Variants in KCNS3 observed in about 807,000 individuals in gnomAD.
The protein encoded by KCNS3 is delayed-rectifier potassium channel regulatory subunit KCNS3.
Under a neutral mutation model 31.0 loss-of-function variants are expected in KCNS3, and 13 were observed. The ratio of observed to expected loss-of-function variants is 0.42; its 90% confidence interval spans 0.27 to 0.67. The LOEUF is 0.67. KCNS3 is among the 30% of genes least tolerant of loss of function. The probability of loss-of-function intolerance (pLI) is 0.25; values close to 1 mark genes in which losing one functional copy is unlikely to be tolerated. For missense variants in KCNS3, 545 were observed against 622.4 expected (o/e 0.88, Z 1.32); for synonymous variants, 238 against 241.5 (o/e 0.99, Z 0.13).
At chr2:17,889,960 C>A (rs1354994805) in intron 1 of KCNS3, among the ~76,000 whole-genome samples, 2 of 152,112 alleles carry the variant, frequency 1.3e-5, no homozygotes. Context: ...AGGGAGGATT[C>A]CTTCTTTCTC....
chr2:17,899,350 T>A (rs1321906248), intron 1 of KCNS3, among the ~76,000 whole-genome samples: 1 of 152,174 alleles, frequency 6.6e-6, no homozygotes, highest in Admixed American at 6.6e-5. Flanking sequence ...TTATTTCTTA[T>A]AATCAAATTT....
At chr2:17,929,499 AC>A (rs1030292562) in intron 2 of KCNS3, among the ~76,000 whole-genome samples, 1 of 152,044 alleles carries the variant, frequency 6.6e-6, no homozygotes, top group African/African-American at 2.4e-5. Context: ...ATTAGAAACC[AC>A]CCCCATGATC....
intron 1 of KCNS3, among the ~76,000 whole-genome samples, chr2:17,900,700 G>C (rs1353415587): frequency 6.6e-6 from 1 of 152,020 alleles, no homozygotes; most frequent in African/African-American, 2.4e-5. Context: ...ATGTTGGCCA[G>C]GCTGGTTTCG....
Position 17,888,631 on chromosome 2 carries a change from A to ATATCTATATCTATC in KCNS3, c.-252+9828_-252+9829insCTATATCTATCTAT, listed in dbSNP as rs199928504. Among the ~76,000 whole-genome samples the ATATCTATATCTATC allele has an allele frequency of 2.1e-3, 64 of 30,430 alleles. 2 individuals are homozygous for ATATCTATATCTATC. The East Asian group carries it at 0.021, about 10-fold the overall frequency. 20.0% of individuals were successfully genotyped at this position (30,430 alleles called of 152,430 possible). On this transcript the variant is annotated intron_variant, in intron 1 of 2. Transcript: ENST00000304101. ...ACTTAAAGTATAATAAAAAAAATGTATATATATATATATATATATATATAT... is the reference window on the plus strand; with the variant it reads ...ACTTAAAGTATAATAAAAAAAATGTATATCTATATCTATCTATATATATATATATATATATATAT...
At chr2:17,926,930 G>A (rs550253800) in intron 2 of KCNS3, among the ~76,000 whole-genome samples, 4 of 151,972 alleles carry the variant, frequency 2.6e-5, no homozygotes, top group Admixed American at 2.6e-4. Context: ...TCACATCATC[G>A]GGCTCCAAAT....
chr2:17,901,624 G>T (rs946882373), intron 1 of KCNS3, among the ~76,000 whole-genome samples: 1 of 152,146 alleles, frequency 6.6e-6, no homozygotes, highest in Admixed American at 6.5e-5. Context: ...TCCACTGTCA[G>T]ATGACATTGG....
At position 17,916,828 on chromosome 2, in the gene KCNS3, CTT is replaced by C. The variant is rs11296020; in HGVS notation, c.-251-839_-251-838del. On this transcript the variant is annotated intron_variant, in intron 1 of 2. Transcript: ENST00000304101. ...TTAATCACTGGCCTAGCCAGAGGCA[CTT>C]TTTTTTTTTTTTATCAGAATCAATA... Among the ~76,000 whole-genome samples, 1,266 of 146,652 alleles carry C rather than the reference CTT, an allele frequency of 8.6e-3. 9 individuals are homozygous for C. Among genetic ancestry groups the C allele is most frequent in the East Asian group, 0.017 (85 of 5,058 alleles).
At chr2:17,881,744 T>C (rs1326361873) in intron 1 of KCNS3, among the ~76,000 whole-genome samples, 2 of 152,188 alleles carry the variant, frequency 1.3e-5, no homozygotes, top group African/African-American at 4.8e-5. Context: ...TCCAACACTG[T>C]TCCCTGTGCT....
chr2:17,917,224 A>G (rs1662611297), intron 1 of KCNS3, among the ~76,000 whole-genome samples: 1 of 152,224 alleles, frequency 6.6e-6, no homozygotes, highest in East Asian at 1.9e-4. Context: ...ATTGATTTCA[A>G]ATTAGAGCAG....
At chr2:17,898,117 T>A (rs1384874009) in intron 1 of KCNS3, among the ~76,000 whole-genome samples, 1 of 152,184 alleles carries the variant, frequency 6.6e-6, no homozygotes, top group African/African-American at 2.4e-5. Context: ...TGTGGGTATG[T>A]GGCTTCAATT....
At chr2:17,907,933 G>A (rs1662376375) in intron 1 of KCNS3, among the ~76,000 whole-genome samples, 1 of 152,124 alleles carries the variant, frequency 6.6e-6, no homozygotes, top group Non-Finnish European at 1.5e-5. Flanking sequence ...TGACAATTGT[G>A]TGTCTTGGAG....
At chr2:17,881,375 G>A (rs56327406) in intron 1 of KCNS3, among the ~76,000 whole-genome samples, 27,323 of 152,174 alleles carry the variant, frequency 0.18, 2,778 homozygotes, top group Non-Finnish European at 0.23. Context: ...TAGGATGTGG[G>A]GACCCAGTTT....
At chr2:17,904,441 T>A (rs1377394654) in intron 1 of KCNS3, among the ~76,000 whole-genome samples, 1 of 152,192 alleles carries the variant, frequency 6.6e-6, no homozygotes, top group Non-Finnish European at 1.5e-5. Flanking sequence ...TTTCTTTTGC[T>A]GTGCAGAAGC....
intron 2 of KCNS3, among the ~76,000 whole-genome samples, chr2:17,925,779 A>ACAAAGC (rs1662825390): frequency 6.6e-6 from 1 of 152,208 alleles, no homozygotes; most frequent in Non-Finnish European, 1.5e-5. Context: ...GGGTGGGGAC[A>ACAAAGC]CAAAGCCAGA....
chr2:17,914,459 T>A (rs4832518), intron 1 of KCNS3, among the ~76,000 whole-genome samples: 139,518 of 152,236 alleles, frequency 0.92, 64,115 homozygotes, highest in East Asian at 0.99. Context: ...AGTCTTCAGG[T>A]TAAGACTCTT....
At chr2:17,902,348 GTGTGTGTGTGT>G (rs1193682439) in intron 1 of KCNS3, among the ~76,000 whole-genome samples, 1 of 34,160 alleles carries the variant, frequency 2.9e-5, no homozygotes, top group Non-Finnish European at 9.3e-5. Flanking sequence ...GTGTGTGTGT[GTGTGTGTGTGT>G]GTGTGTGTGT....
intron 2 of KCNS3, among the ~76,000 whole-genome samples, chr2:17,925,025 G>A (rs995560131): frequency 6.6e-6 from 1 of 152,052 alleles, no homozygotes; most frequent in South Asian, 2.1e-4. Context: ...TAATAAATAG[G>A]TTTATTCAGA....
intron 1 of KCNS3, among the ~76,000 whole-genome samples, chr2:17,883,084 A>G (rs1480602004): frequency 6.6e-6 from 1 of 152,226 alleles, no homozygotes; most frequent in African/African-American, 2.4e-5. Flanking sequence ...CGATAAAGGC[A>G]TAAGATCTGC....
chr2:17,932,398 G>C lies in KCNS3; in HGVS notation c.1390G>C (p.Asp464His). 2 of 1,614,114 alleles carry C rather than the reference G, an allele frequency of 1.2e-6. No individual in the cohort carries two copies. Among genetic ancestry groups the C allele is most frequent in the Non-Finnish European group, 1.7e-6 (2 of 1,180,000 alleles). ...SLSSVGIVVS[D>H]PDSTDASSIE... ...CTCTTCTGTAGGCATTGTGGTGAGC[G>C]ATCCTGACTCCACAGATGCTTCAAG... The change falls in exon 3 of 3, where the codon GAT (aspartate) becomes CAT (histidine). Residue 464 changes from aspartate to histidine, a missense_variant. Coordinates refer to ENST00000304101, the MANE Select transcript of KCNS3 (RefSeq NM_002252.5).
Sources: allele counts gnomAD v4.1 joint callset (sites outside exome capture counted in the v4.1 genomes callset), GRCh38; gene constraint gnomAD v4.1.1; transcripts MANE v1.5; gene names NCBI Gene and HGNC (gene_info 2026-07-23, HGNC 2026-07-21).